The following VAT1L variants were observed in gnomAD, a reference collection of about 807,000 sequenced individuals.
The protein encoded by VAT1L is vesicle amine transport 1 like, also known as putative NADPH-dependent quinone oxidoreductase VAT1L.
VAT1L carries 34 observed loss-of-function variants against 44.1 expected under a neutral mutation model. That is an observed-to-expected ratio of 0.77 (90% CI 0.59 to 1.03). VAT1L has a LOEUF of 1.03. Ranked by LOEUF, VAT1L falls within the 50% of genes least tolerant of loss-of-function variation. The probability of loss-of-function intolerance (pLI) is 0.00; values close to 1 mark genes in which losing one functional copy is unlikely to be tolerated. For synonymous variants in VAT1L, 253 were observed against 202.2 expected, an observed-to-expected ratio of 1.25 and a Z score of -2.13; for missense variants, 615 against 538.8, an observed-to-expected ratio of 1.14 and a Z score of -1.40.
chr16:77,957,730 A>G (rs1290590995), intron 7 of VAT1L, among the ~76,000 whole-genome samples: 2 of 149,832 alleles, frequency 1.3e-5, no homozygotes, highest in Non-Finnish European at 3.0e-5. Flanking sequence ...TCTCAAAAAA[A>G]TAAAATAAAT....
intron 4 of VAT1L, among the ~76,000 whole-genome samples, chr16:77,871,091 A>G (rs2017026979): frequency 6.6e-6 from 1 of 152,168 alleles, no homozygotes; most frequent in Admixed American, 6.5e-5. Context: ...TACCCGAAGG[A>G]ACATTTCTAC....
chr16:77,961,724 C>T (rs752963481), intron 7 of VAT1L, among the ~76,000 whole-genome samples: 2 of 152,134 alleles, frequency 1.3e-5, no homozygotes, highest in Non-Finnish European at 2.9e-5. Context: ...GCCTCTTCTC[C>T]TTGGAGAGGA....
At chr16:77,826,136 G>A (rs1481324762) in intron 3 of VAT1L, among the ~76,000 whole-genome samples, 3 of 149,706 alleles carry the variant, frequency 2.0e-5, no homozygotes, top group African/African-American at 7.3e-5. Flanking sequence ...GAACCCGGGA[G>A]GCAGAGCTTG....
chr16:77,892,624 A>G, intron 7 of VAT1L: 5 of 690,852 alleles, frequency 7.2e-6, no homozygotes, highest in Admixed American at 5.3e-5. Flanking sequence ...GTGACTTCAC[A>G]CTCCATAATG....
chr16:77,839,452 T>C (rs2016678699), intron 3 of VAT1L, among the ~76,000 whole-genome samples: 1 of 137,692 alleles, frequency 7.3e-6, no homozygotes, highest in Non-Finnish European at 1.5e-5. Flanking sequence ...AGGAGAATGG[T>C]GTGAACCTGG....
At chr16:77,891,223 A>G (rs1332420410) in intron 7 of VAT1L, among the ~76,000 whole-genome samples, 1 of 152,062 alleles carries the variant, frequency 6.6e-6, no homozygotes, top group African/African-American at 2.4e-5. Context: ...GCGTGATGGC[A>G]GGCGCTTGTA....
chr16:77,977,506 C>G (rs1308113937), intron 8 of VAT1L, 91 bp from the exon 9 acceptor site: 2 of 1,321,214 alleles, frequency 1.5e-6, no homozygotes, highest in Non-Finnish European at 1.1e-6. Flanking sequence ...TCCTAGCCCC[C>G]AAGAAGTCCT....
At chr16:77,858,978 A>G (rs1003212127) in intron 3 of VAT1L, among the ~76,000 whole-genome samples, 4 of 152,110 alleles carry the variant, frequency 2.6e-5, no homozygotes, top group Non-Finnish European at 5.9e-5. Flanking sequence ...TCTACTAAAA[A>G]TACAAAATTA....
chr16:77,895,248 C>T (rs941587077), intron 7 of VAT1L, among the ~76,000 whole-genome samples: 1 of 152,142 alleles, frequency 6.6e-6, no homozygotes, highest in Non-Finnish European at 1.5e-5. Flanking sequence ...CTGAGCTGCC[C>T]AATGGACCAA....
intron 4 of VAT1L, among the ~76,000 whole-genome samples, chr16:77,874,851 A>AT (rs1217401703): frequency 6.6e-6 from 1 of 150,512 alleles, no homozygotes; most frequent in Non-Finnish European, 1.5e-5. Context: ...AAAAAAAAAA[A>AT]AAAAAAAAAA....
chr16:77,893,352 G>A (rs1199007522), intron 7 of VAT1L, among the ~76,000 whole-genome samples: 1 of 152,246 alleles, frequency 6.6e-6, no homozygotes, highest in African/African-American at 2.4e-5. Context: ...GGGGAAGCAA[G>A]AGTCAGCAAT....
At chr16:77,840,189 G>C (rs1343521837) in intron 3 of VAT1L, among the ~76,000 whole-genome samples, 1 of 152,200 alleles carries the variant, frequency 6.6e-6, no homozygotes, top group African/African-American at 2.4e-5. Flanking sequence ...TCAGAGATAA[G>C]AGGTAACAGA....
intron 7 of VAT1L, among the ~76,000 whole-genome samples, chr16:77,911,240 A>G (rs1216424884): frequency 6.6e-6 from 1 of 152,254 alleles, no homozygotes; most frequent in African/African-American, 2.4e-5. Context: ...AAGAAAAAGG[A>G]AAATACACAT....
intron 7 of VAT1L, among the ~76,000 whole-genome samples, chr16:77,917,931 A>C (rs1249839349): frequency 6.6e-6 from 1 of 152,190 alleles, no homozygotes; most frequent in Non-Finnish European, 1.5e-5. Context: ...CTGTATATGC[A>C]AGACTCTCAA....
intron 2 of VAT1L, among the ~76,000 whole-genome samples, chr16:77,817,821 G>A (rs1425545223): frequency 6.6e-6 from 1 of 152,182 alleles, no homozygotes; most frequent in African/African-American, 2.4e-5. Flanking sequence ...AATTGCAGTA[G>A]TTTGGAGTCA....
At chr16:77,958,424 A>G (rs2018126932) in intron 7 of VAT1L, among the ~76,000 whole-genome samples, 1 of 152,168 alleles carries the variant, frequency 6.6e-6, no homozygotes, top group Non-Finnish European at 1.5e-5. Context: ...TCCATAAGCT[A>G]AAGTACCTCA....
chr16:77,911,502 A>C (rs1049122448), intron 7 of VAT1L, among the ~76,000 whole-genome samples: 27 of 152,114 alleles, frequency 1.8e-4, no homozygotes, highest in African/African-American at 6.5e-4. Context: ...CACCCTTGCT[A>C]TTCTACAAGG....
intron 7 of VAT1L, among the ~76,000 whole-genome samples, chr16:77,900,685 A>C (rs2017371774): frequency 6.8e-6 from 1 of 146,026 alleles, no homozygotes; most frequent in African/African-American, 2.5e-5. Context: ...GCAGAGTGAG[A>C]CTGTGTCTTG....
In VAT1L at chr16:77,874,047, G is replaced by C. The variant is rs76639912; in HGVS notation, c.723-2323G>C. Among the ~76,000 whole-genome samples, 697 of 152,288 alleles carry C rather than the reference G, an allele frequency of 4.6e-3. 5 individuals are homozygous for C. The highest frequency in any genetic ancestry group is 0.016 in the African/African-American group (665 of 41,564). Reference sequence around the variant, plus strand: ...GGACTAATACAAGGAGATATGACTGGCAGTTTGTGGGAGAGAATGTGGCCC... The same window carrying C: ...GGACTAATACAAGGAGATATGACTGCCAGTTTGTGGGAGAGAATGTGGCCC... On this transcript the variant is annotated intron_variant, in intron 4 of 8. Transcript: ENST00000302536.
Sources: gnomAD v4.1 joint callset for allele counts (sites outside exome capture counted in the v4.1 genomes callset) on GRCh38, gnomAD v4.1.1 for gene constraint, MANE v1.5 for transcripts, NCBI Gene and HGNC (gene_info 2026-07-23, HGNC 2026-07-21) for gene names.